The following ACO1 variants were observed in gnomAD, a reference collection of about 807,000 sequenced individuals.
ACO1 encodes the protein aconitase 1, also known as cytoplasmic aconitate hydratase.
Under a neutral mutation model 105.1 loss-of-function variants are expected in ACO1, and 78 were observed. The observed-to-expected ratio is 0.74, with a 90% confidence interval of 0.62 to 0.90. ACO1 has a LOEUF of 0.90. Among genes scored for constraint, ACO1 ranks in the 40% least tolerant of loss-of-function variants. The probability of loss-of-function intolerance (pLI) is 0.00; values close to 1 mark genes in which losing one functional copy is unlikely to be tolerated. For synonymous variants in ACO1, 364 were observed against 397.4 expected (o/e 0.92, Z 1.00); for missense variants, 965 against 1,111.1 (o/e 0.87, Z 1.87).
Position 32,424,675 on chromosome 9 carries a change from T to C in ACO1, c.1188+10T>C, listed in dbSNP as rs750063171. ...CTGCCTTGGAGCCAAGGTAGGGGCC[T>C]GCGGGAAGAGGTTGAATCCTCTCAA... On this transcript the variant is annotated intron_variant, in intron 10 of 20. Coordinates refer to ENST00000309951, the MANE Select transcript of ACO1 (RefSeq NM_002197.3). 5.7e-6 allele frequency: 9 copies of C among 1,592,888 alleles called. 1 individual carries two copies. The highest frequency in any genetic ancestry group is 7.7e-6 in the Non-Finnish European group (9 of 1,162,240).
chr9:32,443,623 T>G (rs1172963163), intron 19 of ACO1, among the ~76,000 whole-genome samples: 1 of 152,242 alleles, frequency 6.6e-6, no homozygotes, highest in Non-Finnish European at 1.5e-5. Flanking sequence ...TTTCCAGATG[T>G]GCATATGCTG....
chr9:32,428,265 C>CA (rs1262252554), intron 12 of ACO1, among the ~76,000 whole-genome samples: 1 of 130,592 alleles, frequency 7.7e-6, no homozygotes, highest in Non-Finnish European at 1.6e-5. Flanking sequence ...GTTTGGGTGA[C>CA]AGCAAGACCC....
intron 19 of ACO1, among the ~76,000 whole-genome samples, chr9:32,441,746 A>C (rs1346909738): frequency 6.6e-6 from 1 of 152,206 alleles, no homozygotes; most frequent in Non-Finnish European, 1.5e-5. Flanking sequence ...ACTGGCCCCC[A>C]GGGGTTCTCT....
At chr9:32,389,086 A>C (rs1821212069) in intron 1 of ACO1, among the ~76,000 whole-genome samples, 2 of 152,220 alleles carry the variant, frequency 1.3e-5, no homozygotes, top group Admixed American at 1.3e-4. Context: ...AGTGTTCCTT[A>C]GCAAGCTATT....
chr9:32,405,742 C>T (rs756871902), intron 2 of ACO1, 139 bp downstream of exon 2: 1 of 626,860 alleles, frequency 1.6e-6, no homozygotes, highest in Non-Finnish European at 2.8e-6. Context: ...CACAAGCACT[C>T]ACATGCCTTT....
chr9:32,447,296 T>C lies in ACO1; in HGVS notation c.2371-1600T>C, dbSNP rs114506528. ...CTCTTTTTTCTCTAATCTTTTCTTA[T>C]TGCTTTATTTCATTGAGTTGATCTT... On this transcript the variant is annotated intron_variant, in intron 19 of 20. Transcript: ENST00000309951. Among the ~76,000 whole-genome samples, 909 of 152,332 alleles carry C rather than the reference T, an allele frequency of 6.0e-3. 11 individuals are homozygous for C. The highest frequency in any genetic ancestry group is 0.021 in the African/African-American group (879 of 41,578).
chr9:32,445,145 T>TCC (rs1822571067), intron 19 of ACO1, among the ~76,000 whole-genome samples: 1 of 152,174 alleles, frequency 6.6e-6, no homozygotes, highest in Admixed American at 6.5e-5. Context: ...TTCGGGAGGA[T>TCC]TCCCTCTTTT....
chr9:32,431,974 C>A, intron 15 of ACO1, 131 bp downstream of exon 15: 1 of 1,087,036 alleles, frequency 9.2e-7, no homozygotes, highest in South Asian at 1.9e-5. Context: ...CTTCAGATGA[C>A]TGGGGAGGTG....
chr9:32,429,275 C>A, intron 12 of ACO1, 144 bp from the exon 13 acceptor site: 1 of 598,370 alleles, frequency 1.7e-6, no homozygotes, highest in Non-Finnish European at 2.9e-6. Context: ...AAGAATGAAA[C>A]TTTTAGAAAT....
Position 32,420,942 on chromosome 9 carries a change from G to C in ACO1, c.885G>C (p.Thr295=). The change falls in exon 8 of 21, where the codon ACG becomes ACC. Residue 295 remains threonine, a synonymous_variant. Transcript: ENST00000309951. ...VAQLSIADRA[T]IANMCPEYGA... Reference sequence around the variant, plus strand: ...AGTTGTCCATTGCTGACCGAGCTACGATTGCTAACATGTGTCCAGAGTACG... The same window carrying C: ...AGTTGTCCATTGCTGACCGAGCTACCATTGCTAACATGTGTCCAGAGTACG... The C allele has an allele frequency of 6.2e-7, 1 of 1,614,114 alleles. No homozygotes were observed.
At chr9:32,436,682 C>T (rs76647792) in intron 18 of ACO1, among the ~76,000 whole-genome samples, 3,452 of 152,180 alleles carry the variant, frequency 0.023, 133 homozygotes, top group African/African-American at 0.078. Context: ...AGGGGAAATA[C>T]CAGGTTAAAT....
rs1291857346 is a variant in ACO1, at chr9:32,431,748, CT to C, written c.1757del (p.Leu586ArgfsTer31). 2.5e-6 allele frequency: 4 copies of C among 1,613,982 alleles called. No individual in the cohort carries two copies. In the Admixed American group the frequency reaches 5.0e-5, roughly 20 times the overall value. ...AAATGCAAAGGGACAGCAGGTATTT[CT>C]GAAAGATATCTGGCCGACTAGAGAC... is the stretch of plus-strand genomic sequence containing the variant. ...GVNAKGQQVF[L>X]KDIWPTRDEI... On this transcript the variant is annotated frameshift_variant, in exon 15 of 21. Coordinates refer to ENST00000309951, the MANE Select transcript of ACO1 (RefSeq NM_002197.3). LOFTEE classifies it high-confidence loss of function.
At chr9:32,437,755 T>C (rs1351829870) in intron 18 of ACO1, among the ~76,000 whole-genome samples, 1 of 152,160 alleles carries the variant, frequency 6.6e-6, no homozygotes, top group African/African-American at 2.4e-5. Context: ...GAAGAGTTCA[T>C]TTTCTGTTGC....
chr9:32,414,933 A>T (rs568271086), intron 4 of ACO1, among the ~76,000 whole-genome samples: 1 of 152,158 alleles, frequency 6.6e-6, no homozygotes, highest in Non-Finnish European at 1.5e-5. Context: ...TGCAGTTGAT[A>T]AGTGTAGTCA....
chr9:32,401,579 A>G (rs1021714289), intron 1 of ACO1, among the ~76,000 whole-genome samples: 6 of 152,200 alleles, frequency 3.9e-5, no homozygotes, highest in Non-Finnish European at 7.3e-5. Flanking sequence ...GAATGGTGAC[A>G]GGTTGGTGCC....
chr9:32,412,439 G>A (rs567358719), intron 4 of ACO1, among the ~76,000 whole-genome samples: 1 of 152,222 alleles, frequency 6.6e-6, no homozygotes, highest in African/African-American at 2.4e-5. Context: ...ACCACTCAAC[G>A]GGAAACAAAA....
Position 32,408,475 on chromosome 9 carries a change from T to G in ACO1, c.267-39T>G, listed in dbSNP as rs762352779. The G allele has an allele frequency of 6.8e-6, 11 of 1,611,678 alleles. No individual in the cohort carries two copies. The East Asian group carries it at 2.5e-4, about 36-fold the overall frequency. ...GCTGAAAAATCCAGTTACACACATT[T>G]AAGGCTTATTTTCTGCATTATTCTC... On this transcript the variant is annotated intron_variant, in intron 3 of 20. Coordinates refer to ENST00000309951, the MANE Select transcript of ACO1 (RefSeq NM_002197.3).
In ACO1 at chr9:32,434,601, G is replaced by A; in HGVS notation, c.1999G>A (p.Val667Met). 6.2e-7 allele frequency: 1 copy of A among 1,614,126 alleles called. No individual in the cohort carries two copies. The highest frequency in any genetic ancestry group is 8.5e-7 in the Non-Finnish European group (1 of 1,179,986). ...CCCTAAATCTATAGTGGATGCCTAT[G>A]TGCTGCTAAATTTGGGAGATTCGGT... Reference protein sequence around the residue: ...QPPKSIVDAYVLLNLGDSVTT... With the variant: ...QPPKSIVDAYMLLNLGDSVTT... The change falls in exon 17 of 21, where the codon GTG (valine) becomes ATG (methionine). Residue 667 changes from valine (V) to methionine (M), a missense_variant. Physicochemically the swap from Val to Met is conservative, Grantham distance 21. Coordinates refer to ENST00000309951, the MANE Select transcript of ACO1 (RefSeq NM_002197.3).
chr9:32,440,852 G>A (rs762341240), intron 19 of ACO1, among the ~76,000 whole-genome samples: 21 of 152,164 alleles, frequency 1.4e-4, no homozygotes, highest in Non-Finnish European at 2.1e-4. Context: ...TAGGGTCTGT[G>A]AAGTCTCTGA....
Sources: gnomAD v4.1 joint callset for allele counts (sites outside exome capture counted in the v4.1 genomes callset) on GRCh38, gnomAD v4.1.1 for gene constraint, MANE v1.5 for transcripts, NCBI Gene and HGNC (gene_info 2026-07-23, HGNC 2026-07-21) for gene names.